PCDH17: variants seen among roughly 807,000 people sequenced by gnomAD.
The protein encoded by PCDH17 is protocadherin-17.
PCDH17 carries 21 observed loss-of-function variants against 67.7 expected under a neutral mutation model. The ratio of observed to expected loss-of-function variants is 0.31; its 90% CI spans 0.22 to 0.45. The LOEUF (loss-of-function observed/expected upper bound fraction) is 0.45, where lower values mean the gene tolerates loss of function less well. Among genes scored for constraint, PCDH17 ranks in the 20% least tolerant of loss-of-function variants. The pLI is 1.00. For missense variants in PCDH17, 1,471 were observed against 1,564.8 expected (o/e 0.94, Z 1.01); for synonymous variants, 701 against 656.7 (o/e 1.07, Z -1.03).
chr13:57,711,214 T>C (rs1955772959), intron 3 of PCDH17, among the ~76,000 whole-genome samples: 1 of 151,956 alleles, frequency 6.6e-6, no homozygotes, highest in Admixed American at 6.6e-5. Context: ...TGCCTTGATC[T>C]CACATCCATT....
At chr13:57,713,943 C>T (rs565655692) in intron 3 of PCDH17, among the ~76,000 whole-genome samples, 31 of 151,582 alleles carry the variant, frequency 2.0e-4, no homozygotes, top group South Asian at 4.1e-4. Flanking sequence ...GAGCAAGACA[C>T]GGATCTGTTC....
intron 1 of PCDH17, among the ~76,000 whole-genome samples, chr13:57,661,757 T>C (rs980241553): frequency 6.6e-6 from 1 of 152,208 alleles, no homozygotes; most frequent in Non-Finnish European, 1.5e-5. Context: ...CAACTGTTCA[T>C]ATTTGTGTGG....
intron 1 of PCDH17, among the ~76,000 whole-genome samples, chr13:57,643,816 A>T (rs1026318041): frequency 6.6e-6 from 1 of 151,530 alleles, no homozygotes; most frequent in Non-Finnish European, 1.5e-5. Flanking sequence ...ATATTAATGA[A>T]TTTTTTTATT....
At chr13:57,662,478 C>T (rs1222199785) in intron 1 of PCDH17, among the ~76,000 whole-genome samples, 1 of 151,970 alleles carries the variant, frequency 6.6e-6, no homozygotes, top group Admixed American at 6.6e-5. Context: ...ATTTGTTGAA[C>T]AATTAATTGA....
chr13:57,683,727 A>G (rs1285457015), intron 3 of PCDH17, among the ~76,000 whole-genome samples: 1 of 151,870 alleles, frequency 6.6e-6, no homozygotes, highest in Non-Finnish European at 1.5e-5. Context: ...CGCCTTTCCT[A>G]TTACTGTACC....
intron 3 of PCDH17, among the ~76,000 whole-genome samples, chr13:57,673,852 C>T (rs1320114087): frequency 2.0e-5 from 3 of 152,014 alleles, no homozygotes; most frequent in South Asian, 2.1e-4. Context: ...TTCCCACCCC[C>T]CTGTGCTGTC....
rs569566282 is a variant in PCDH17 at position 57,633,904 on chromosome 13, A to G, written c.1358A>G (p.Asn453Ser). ...VARDGGSPPL[N>S]STKSFAIKIL... is the part of the protein sequence containing the mutation. ...CGGGACGGGGGCTCTCCTCCCCTCA[A>G]CTCCACCAAGTCGTTCGCGATCAAG... The change falls in exon 1 of 4, where the codon AAC (asparagine) becomes AGC (serine). Residue 453 changes from asparagine (N) to serine (S), a missense_variant. Asn to Ser is a conservative substitution (Grantham distance 46). Around this residue, in one of 3 missense-constraint regions of PCDH17, gnomAD observed 1,163 missense variants for 1,230.0 expected, o/e 0.95. Coordinates refer to ENST00000377918, the MANE Select transcript of PCDH17 (RefSeq NM_001040429.3). This position sits in a 1 kb window ranked among gnomAD's most constrained non-coding sequence, Gnocchi z 6.2. The G allele has an allele frequency of 9.3e-6, 15 of 1,612,736 alleles. No homozygotes were observed. The highest frequency in any genetic ancestry group is 2.7e-5 in the African/African-American group (2 of 74,816).
In PCDH17 at chr13:57,656,362, T is replaced by C. The variant is rs540360221; in HGVS notation, c.2566-10106T>C. The stretch of plus-strand genomic sequence containing the variant: ...ATGTATTTTCGCTTATTAGCAGGTT[T>C]CTTAAATTTAATTATATCTAATTTT... On this transcript the variant is annotated intron_variant, in intron 1 of 3. Coordinates refer to ENST00000377918, the MANE Select transcript of PCDH17 (RefSeq NM_001040429.3). 3.9e-5 allele frequency among the ~76,000 whole-genome samples: 6 copies of C among 152,258 alleles called. No individual in the cohort carries two copies. In the South Asian group the frequency reaches 1.2e-3, roughly 32 times the overall value.
chr13:57,652,263 C>T (rs1955051284), intron 1 of PCDH17, among the ~76,000 whole-genome samples: 1 of 123,232 alleles, frequency 8.1e-6, no homozygotes, highest in African/African-American at 3.1e-5. Context: ...CCGGCCTGGG[C>T]GACAGAGCGA....
Position 57,633,608 on chromosome 13 carries a change from C to T in PCDH17, c.1062C>T (p.Val354=). The part of the protein sequence containing the change: ...RNDNAPSIGF[V]SVRQGALSEA... ...ACAATGCGCCGTCCATCGGTTTCGT[C>T]TCCGTGCGCCAGGGGGCGCTGAGCG... Residue 354 remains valine, a synonymous_variant, in exon 1 of 4, where the codon GTC becomes GTT. Coordinates refer to ENST00000377918, the MANE Select transcript of PCDH17 (RefSeq NM_001040429.3). This position sits in a 1 kb window ranked among gnomAD's most constrained non-coding sequence, Gnocchi z 6.2. 2 of 1,612,212 alleles carry T rather than the reference C, an allele frequency of 1.2e-6. No individual in the cohort carries two copies. Among genetic ancestry groups the T allele is most frequent in the Non-Finnish European group, 1.7e-6 (2 of 1,180,032 alleles).
intron 1 of PCDH17, among the ~76,000 whole-genome samples, chr13:57,662,991 T>A (rs1955202152): frequency 6.6e-6 from 1 of 152,134 alleles, no homozygotes; most frequent in Admixed American, 6.5e-5. Flanking sequence ...TTCAGTATGA[T>A]GTTAGTTCAC....
intron 1 of PCDH17, among the ~76,000 whole-genome samples, chr13:57,665,061 T>A (rs2138021844): frequency 6.6e-6 from 1 of 152,314 alleles, no homozygotes; most frequent in South Asian, 2.1e-4. Flanking sequence ...TCTTTGCATG[T>A]ACTTTGACAT....
intron 3 of PCDH17, among the ~76,000 whole-genome samples, chr13:57,720,546 A>G (rs532011223): frequency 5.3e-5 from 8 of 151,996 alleles, no homozygotes; most frequent in African/African-American, 1.9e-4. Context: ...TTGTTTATGT[A>G]CCCCTGATAT....
Position 57,633,392 on chromosome 13 carries a change from C to T in PCDH17, c.846C>T (p.Phe282=). 6.2e-7 allele frequency: 1 copy of T among 1,613,364 alleles called. No individual in the cohort carries two copies. Among genetic ancestry groups the T allele is most frequent in the South Asian group, 1.1e-5 (1 of 91,088 alleles). ...CCAATGGTGAAGTGCTCTACTCTTT[C>T]AGCAGCTACGTGCCTGACCGCGTGC... is the stretch of plus-strand genomic sequence containing the variant. The part of the protein sequence containing the change: ...EGPNGEVLYS[F]SSYVPDRVRE... The change falls in exon 1 of 4, where the codon TTC becomes TTT. Residue 282 remains phenylalanine (F), a synonymous_variant. Transcript: ENST00000377918. This position sits in a 1 kb window ranked among gnomAD's most constrained non-coding sequence, Gnocchi z 6.2.
At chr13:57,661,049 T>C (rs1267927446) in intron 1 of PCDH17, among the ~76,000 whole-genome samples, 1 of 152,174 alleles carries the variant, frequency 6.6e-6, no homozygotes, top group African/African-American at 2.4e-5. Flanking sequence ...GGTCATATGA[T>C]AGATTTATGT....
intron 3 of PCDH17, among the ~76,000 whole-genome samples, chr13:57,705,688 A>G (rs111586642): frequency 1.5e-4 from 23 of 152,142 alleles, no homozygotes; most frequent in Admixed American, 1.5e-3. Context: ...ACAGTACACA[A>G]ACTGAAAAGA....
intron 1 of PCDH17, among the ~76,000 whole-genome samples, chr13:57,643,002 A>AAT (rs1954922792): frequency 6.6e-6 from 1 of 151,576 alleles, no homozygotes; most frequent in Non-Finnish European, 1.5e-5. Flanking sequence ...CCCCAATACA[A>AAT]ATGCCTTTGC....
intron 1 of PCDH17, among the ~76,000 whole-genome samples, chr13:57,663,471 G>C (rs1185603644): frequency 6.6e-6 from 1 of 152,072 alleles, no homozygotes; most frequent in Non-Finnish European, 1.5e-5. Flanking sequence ...AAATGGTGCT[G>C]TCATACATAT....
chr13:57,682,916 T>A (rs192129867), intron 3 of PCDH17, among the ~76,000 whole-genome samples: 2 of 152,010 alleles, frequency 1.3e-5, no homozygotes, highest in African/African-American at 4.8e-5. Context: ...ATTTAATGAC[T>A]ATTCAAAGAA....
Sources: gnomAD v4.1 joint callset for allele counts (sites outside exome capture counted in the v4.1 genomes callset) on GRCh38, gnomAD v4.1.1 for gene constraint, gnomAD v4.1.1 regional missense constraint, Gnocchi (gnomAD v3.1) non-coding constraint, MANE v1.5 for transcripts, NCBI Gene and HGNC (gene_info 2026-07-23, HGNC 2026-07-21) for gene names.